Variants in SLC5A5 observed in about 807,000 individuals in gnomAD.
SLC5A5 encodes the protein solute carrier family 5 member 5.
SLC5A5 carries 56 observed loss-of-function variants against 68.6 expected under a neutral mutation model. That is an observed-to-expected ratio of 0.82 (90% CI 0.66 to 1.02). The LOEUF (loss-of-function observed/expected upper bound fraction) is 1.02, where lower values mean the gene tolerates loss of function less well. Among genes scored for constraint, SLC5A5 ranks in the 50% least tolerant of loss-of-function variants. SLC5A5 has a pLI of 0.00. For missense variants in SLC5A5, 807 were observed against 859.8 expected, an observed-to-expected ratio of 0.94 and a Z score of 0.77; for synonymous variants, 398 against 373.0, an observed-to-expected ratio of 1.07 and a Z score of -0.77.
chr19:17,886,296 G>A (rs1002783429), intron 12 of SLC5A5, among the ~76,000 whole-genome samples: 15 of 146,946 alleles, frequency 1.0e-4, no homozygotes, highest in Admixed American at 7.0e-5. Flanking sequence ...TGGATCATAT[G>A]GTAATTCTTT....
chr19:17,883,852 C>A lies in SLC5A5; in HGVS notation c.1332C>A (p.Gly444=), dbSNP rs1375617543. The A allele has an allele frequency of 1.9e-6, 3 of 1,597,190 alleles. No individual in the cohort carries two copies. In the South Asian group the frequency reaches 3.3e-5, roughly 18 times the overall value. The change falls in exon 12 of 15, where the codon GGC becomes GGA. Residue 444 remains glycine, a splice_region_variant and synonymous_variant. Transcript: ENST00000222248. ...CCTGACGCCGGCTCTGCCCCCAGGGCGTCCTCGCGGGACTAGGCGCGGGCT... is the reference window on the plus strand; with the variant it reads ...CCTGACGCCGGCTCTGCCCCCAGGGAGTCCTCGCGGGACTAGGCGCGGGCT... ...GMFLPACNTP[G]VLAGLGAGLA...
rs1229923122 is a variant in SLC5A5, at chr19:17,872,372, G to C, written c.53G>C (p.Gly18Ala). 2 of 1,597,176 alleles carry C rather than the reference G, an allele frequency of 1.3e-6. No homozygotes were observed. Among genetic ancestry groups the C allele is most frequent in the Non-Finnish European group, 1.7e-6 (2 of 1,171,890 alleles). ...CCCACCTTCGGAGCCTGGGACTACG[G>C]GGTCTTTGCCCTCATGCTCCTGGTG... ...ERPTFGAWDY[G>A]VFALMLLVST... Residue 18 changes from glycine to alanine, a missense_variant, in exon 1 of 15, where the codon GGG (glycine) becomes GCG (alanine). Transcript: ENST00000222248.
intron 8 of SLC5A5, 66 bp downstream of exon 8, chr19:17,881,019 C>A (rs2094319687): frequency 1.1e-5 from 13 of 1,186,414 alleles, no homozygotes; most frequent in Non-Finnish European, 1.6e-5. Context: ...TCCTGGCCTG[C>A]CATCCCTCTG....
intron 12 of SLC5A5, among the ~76,000 whole-genome samples, 192 bp from the exon 13 acceptor site, chr19:17,888,139 C>T (rs1018132944): frequency 6.6e-6 from 1 of 151,666 alleles, no homozygotes; most frequent in Non-Finnish European, 1.5e-5. Context: ...GTGTGGAGGA[C>T]GTCTAGGGTG....
intron 5 of SLC5A5, among the ~76,000 whole-genome samples, 200 bp from the exon 6 acceptor site, chr19:17,877,523 G>A (rs1165189980): frequency 6.6e-6 from 1 of 152,140 alleles, no homozygotes; most frequent in Non-Finnish European, 1.5e-5. Context: ...TGGCCAGGCT[G>A]GCCTTGAACT....
chr19:17,879,773 G>T (rs113794764), intron 7 of SLC5A5, among the ~76,000 whole-genome samples: 1 of 152,154 alleles, frequency 6.6e-6, no homozygotes, highest in Non-Finnish European at 1.5e-5. Flanking sequence ...AGGATGACAC[G>T]GGTCCCTGCT....
chr19:17,876,591 C>T (rs111626393), intron 5 of SLC5A5, among the ~76,000 whole-genome samples: 178 of 152,014 alleles, frequency 1.2e-3, no homozygotes, highest in African/African-American at 4.1e-3. Context: ...AGGCTGGGCG[C>T]GGTGGCTCAC....
In SLC5A5 at chr19:17,893,910, G is replaced by A; in HGVS notation, c.*33G>A. On this transcript the variant is annotated 3_prime_UTR_variant, in exon 15 of 15. Transcript: ENST00000222248. The stretch of plus-strand genomic sequence containing the variant: ...GCCAGCCGCGGGACTGACACCCTGG[G>A]ATGGAACCTCAGGATGGGCCAAACC... The A allele has an allele frequency of 6.5e-7, 1 of 1,549,876 alleles. No homozygotes were observed. The highest frequency in any genetic ancestry group is 1.4e-5 in the African/African-American group (1 of 73,126).
chr19:17,882,205 G>T lies in SLC5A5; in HGVS notation c.1228G>T (p.Gly410Ter). 1 of 1,613,894 alleles carries T rather than the reference G, an allele frequency of 6.2e-7. No homozygotes were observed. Among genetic ancestry groups the T allele is most frequent in the Non-Finnish European group, 8.5e-7 (1 of 1,179,970 alleles). ...GGCAGCCCTGTCCTCACTGCTCGGA[G>T]GAGGTGTCCTTCAGGTGAGACCCCA... ...TVAALSSLLG[G>*]GVLQGSFTVM... is the part of the protein sequence containing the mutation. The change falls in exon 10 of 15, where the codon GGA (glycine) becomes TGA (stop). Residue 410 changes from glycine (G) to a stop codon, truncating the protein, a stop_gained. Coordinates refer to ENST00000222248, the MANE Select transcript of SLC5A5 (RefSeq NM_000453.3). LOFTEE classifies it high-confidence loss of function.
chr19:17,877,944 G>A lies in SLC5A5; in HGVS notation c.840-20G>A. 1.2e-6 allele frequency: 2 copies of A among 1,613,670 alleles called. No homozygotes were observed. Among genetic ancestry groups the A allele is most frequent in the Non-Finnish European group, 1.7e-6 (2 of 1,180,034 alleles). ...CAGCCTGAGGCTATCCCCTAAGCCT[G>A]AGGCTGCCTCTTCCCCCAGGGCCCT... On this transcript the variant is annotated intron_variant, in intron 6 of 14. Transcript: ENST00000222248.
intron 4 of SLC5A5, 95 bp downstream of exon 4, chr19:17,874,826 C>A: frequency 1.7e-6 from 2 of 1,200,300 alleles, no homozygotes; most frequent in South Asian, 1.2e-5. Context: ...CCTGAGGAAG[C>A]CTCTGTCCCA....
chr19:17,888,426 T>C lies in SLC5A5; in HGVS notation c.1622T>C (p.Leu541Pro), dbSNP rs1399046684. ...YGALGTLTTV[L>P]CGALISCLTG... ...GCCCTGGGCACGCTGACCACTGTGC[T>C]GTGCGGAGCCCTCATCAGCTGCCTG... Residue 541 changes from leucine (L) to proline (P), a missense_variant, in exon 13 of 15, where the codon CTG becomes CCG. Transcript: ENST00000222248. The C allele has an allele frequency of 6.2e-7, 1 of 1,613,900 alleles. No homozygotes were observed. The highest frequency in any genetic ancestry group is 1.7e-5 in the Admixed American group (1 of 59,964).
chr19:17,882,891 G>T, intron 10 of SLC5A5, among the ~76,000 whole-genome samples: 1 of 110,394 alleles, frequency 9.1e-6, no homozygotes, highest in East Asian at 1.9e-4. Context: ...CACCGTGTTA[G>T]CCAGGATGGT....
intron 7 of SLC5A5, 103 bp from the exon 8 acceptor site, chr19:17,880,761 GC>G: frequency 1.2e-6 from 1 of 822,134 alleles, no homozygotes; most frequent in South Asian, 1.3e-5. Flanking sequence ...CCGACTCTGA[GC>G]CCTGTCCGTC....
rs770491099 is a variant in SLC5A5, at chr19:17,876,080, G to A, written c.672G>A (p.Gln224=). The stretch of plus-strand genomic sequence containing the variant: ...CCCGCCAGGTGCTCACGCTGGCCCA[G>A]AACCACTCCCGGATCAACCTCATGG... ...GGPRQVLTLA[Q]NHSRINLMDF... is the part of the protein sequence containing the mutation. Residue 224 remains glutamine (Q), a synonymous_variant, in exon 5 of 15, where the codon CAG becomes CAA. Transcript: ENST00000222248. 2.4e-5 allele frequency: 38 copies of A among 1,614,038 alleles called. No individual in the cohort carries two copies. The South Asian group carries it at 3.4e-4, about 14-fold the overall frequency.
At position 17,888,355 on chromosome 19, in the gene SLC5A5, C is replaced by T. The variant is rs768757172; in HGVS notation, c.1551C>T (p.Pro517=). Reference sequence around the variant, plus strand: ...GCTCAGGAATGGACGCCAGCCGACCCGCCTTAGCTGACAGCTTCTATGCCA... The same window carrying T: ...GCTCAGGAATGGACGCCAGCCGACCTGCCTTAGCTGACAGCTTCTATGCCA... ...APSSGMDASR[P]ALADSFYAIS... Residue 517 remains proline, a synonymous_variant, in exon 13 of 15, where the codon CCC becomes CCT. Coordinates refer to ENST00000222248, the MANE Select transcript of SLC5A5 (RefSeq NM_000453.3). The T allele has an allele frequency of 1.1e-5, 17 of 1,613,850 alleles. No individual in the cohort carries two copies. Among genetic ancestry groups the T allele is most frequent in the African/African-American group, 4.0e-5 (3 of 74,912 alleles).
At position 17,893,993 on chromosome 19, in the gene SLC5A5, G is replaced by A. The variant is rs1401014470; in HGVS notation, c.*116G>A. On this transcript the variant is annotated 3_prime_UTR_variant, in exon 15 of 15. Transcript: ENST00000222248. ...TGGCTGGATTGCCTTGTATGCAAAT[G>A]AGTTCAGGACTACAATACCCTACCC... 14 of 1,039,310 alleles carry A rather than the reference G, an allele frequency of 1.3e-5. No individual in the cohort carries two copies. The highest frequency in any genetic ancestry group is 2.0e-5 in the Non-Finnish European group (14 of 687,184). The allele number at this position is 1,039,310 out of a possible 1,614,324, so 64.4% of individuals were successfully genotyped here.
At chr19:17,873,662 A>C (rs772628668) in intron 1 of SLC5A5, among the ~76,000 whole-genome samples, 2 of 151,918 alleles carry the variant, frequency 1.3e-5, no homozygotes, top group South Asian at 4.1e-4. Context: ...AGGCTGAGGC[A>C]GAAGAATTGC....
chr19:17,881,027 C>T, intron 8 of SLC5A5, 74 bp downstream of exon 8: 1 of 1,110,918 alleles, frequency 9.0e-7, no homozygotes, highest in South Asian at 1.2e-5. Context: ...TGCCATCCCT[C>T]TGGGGCATGG....
Sources: allele counts gnomAD v4.1 joint callset (sites outside exome capture counted in the v4.1 genomes callset), GRCh38; gene constraint gnomAD v4.1.1; transcripts MANE v1.5; gene names NCBI Gene and HGNC (gene_info 2026-07-23, HGNC 2026-07-21).